Variants in FANCB observed in about 807,000 individuals in gnomAD.
FANCB encodes FA complementation group B.
FANCB carries 5 observed loss-of-function variants against 38.9 expected under a neutral mutation model. That is an observed-to-expected ratio of 0.13 (90% CI 0.07 to 0.27). The LOEUF is 0.27. Among genes scored for constraint, FANCB ranks in the 10% least tolerant of loss-of-function variants. FANCB has a pLI of 1.00. For synonymous variants in FANCB, 236 were observed against 215.4 expected (o/e 1.10, Z -0.84); for missense variants, 573 against 602.7 (o/e 0.95, Z 0.52).
Position 14,845,038 on chromosome X carries a change from G to A in FANCB, c.1745C>T (p.Thr582Ile), listed in dbSNP as rs754392611. The change falls in exon 8 of 10, where the codon ACA becomes ATA. Residue 582 changes from threonine (T) to isoleucine (I), a missense_variant. Physicochemically the swap from Thr to Ile is moderately conservative, Grantham distance 89. Transcript: ENST00000650831. ...GAATGTTAAAAGTGGTGAAAGAGAT[G>A]TTACAGCAGTAATTATCTGTACACA... Reference protein sequence around the residue: ...KECVQIITAVTSLSPLLTFSK... With the variant: ...KECVQIITAVISLSPLLTFSK... 1 of 1,206,194 alleles carries A rather than the reference G, an allele frequency of 8.3e-7. No homozygotes were observed. Among genetic ancestry groups the A allele is most frequent in the Admixed American group, 2.2e-5 (1 of 45,789 alleles).
At chrX:14,790,061 T>A in the FANCB span, among the ~76,000 whole-genome samples, 4 of 112,253 alleles carry the variant, frequency 3.6e-5, no homozygotes, top group Non-Finnish European at 7.5e-5. Flanking sequence ...CAACAAATGC[T>A]TACTGAATGC....
chrX:14,758,294 C>T, the FANCB span, among the ~76,000 whole-genome samples: 1 of 111,943 alleles, frequency 8.9e-6, no homozygotes, highest in Non-Finnish European at 1.9e-5. Flanking sequence ...GTGCTGACAG[C>T]AGAAGACAAA....
intron 7 of FANCB, among the ~76,000 whole-genome samples, chrX:14,846,565 G>T (rs2092377945): frequency 9.0e-6 from 1 of 111,657 alleles, no homozygotes; most frequent in Non-Finnish European, 1.9e-5. Flanking sequence ...ACTAAGTAAT[G>T]AGCATCAATA....
the FANCB span, among the ~76,000 whole-genome samples, chrX:14,796,313 A>C: frequency 1.9e-5 from 2 of 107,913 alleles, no homozygotes; most frequent in South Asian, 7.9e-4. Context: ...GTTGGTAGAA[A>C]GCTGTATTAG....
the FANCB span, among the ~76,000 whole-genome samples, chrX:14,758,981 G>T: frequency 9.0e-6 from 1 of 111,031 alleles, no homozygotes; most frequent in Non-Finnish European, 1.9e-5. Flanking sequence ...AAAATTACAA[G>T]ATATGAAGGG....
the FANCB span, among the ~76,000 whole-genome samples, chrX:14,741,987 G>T: frequency 2.7e-5 from 3 of 111,470 alleles, no homozygotes; most frequent in African/African-American, 9.8e-5. Context: ...TCTACTTATG[G>T]GTGAAATAGC....
At chrX:14,740,545 G>T in the FANCB span, among the ~76,000 whole-genome samples, 3 of 112,032 alleles carry the variant, frequency 2.7e-5, no homozygotes, top group South Asian at 1.1e-3. Flanking sequence ...TCTTTAAACA[G>T]CCAGGTAGTA....
chrX:14,827,291 G>A, the FANCB span, among the ~76,000 whole-genome samples: 1 of 111,605 alleles, frequency 9.0e-6, no homozygotes, highest in Non-Finnish European at 1.9e-5. Flanking sequence ...TTTATCAGGA[G>A]TGAGTTAAAT....
chrX:14,693,057 AG>A, the FANCB span, among the ~76,000 whole-genome samples: 1 of 69,911 alleles, frequency 1.4e-5, no homozygotes. Context: ...AAAAAAAAAA[AG>A]AAAGAGGGAA....
the FANCB span, among the ~76,000 whole-genome samples, chrX:14,785,431 C>T: frequency 8.9e-6 from 1 of 112,322 alleles, no homozygotes; most frequent in Non-Finnish European, 1.9e-5. Context: ...GCCATTTTTA[C>T]TTGACTTGGT....
chrX:14,736,246 T>C, the FANCB span, among the ~76,000 whole-genome samples: 3 of 110,338 alleles, frequency 2.7e-5, no homozygotes, highest in Non-Finnish European at 5.7e-5. Flanking sequence ...GAGTGAACTA[T>C]TCTGTCTTGC....
chrX:14,691,271 C>CTGTGTGTG, the FANCB span, among the ~76,000 whole-genome samples: 67 of 85,254 alleles, frequency 7.9e-4, no homozygotes, highest in East Asian at 1.8e-3. Context: ...TAAATATTGA[C>CTGTGTGTG]TGTGTGTGTG....
At chrX:14,691,308 TGTGTGTGTGTGTGTGTGC>T in the FANCB span, among the ~76,000 whole-genome samples, 57 of 103,249 alleles carry the variant, frequency 5.5e-4, no homozygotes, top group Admixed American at 1.8e-3. Flanking sequence ...TGTGTGTGTG[TGTGTGTGTGTGTGTGTGC>T]GCGCGTGCGT....
chrX:14,843,643 T>C lies in FANCB; in HGVS notation c.2504A>G (p.Tyr835Cys), dbSNP rs753509167. ...QTNLKVSGAL[Y>C]REITLKVAEV... ...AGCTACTTTCAAAGTTATTTCTCTGTAAAGGGCACCACTCACTTTTAGGTT... is the reference window on the plus strand; with the variant it reads ...AGCTACTTTCAAAGTTATTTCTCTGCAAAGGGCACCACTCACTTTTAGGTT... The change falls in exon 10 of 10, where the codon TAC becomes TGC. Residue 835 changes from tyrosine to cysteine, a missense_variant. Physicochemically the swap from Tyr to Cys is radical, Grantham distance 194 (BLOSUM62 -2). Transcript: ENST00000650831. 1 of 1,210,042 alleles carries C rather than the reference T, an allele frequency of 8.3e-7. No homozygotes were observed. Among genetic ancestry groups the C allele is most frequent in the East Asian group, 3.0e-5 (1 of 33,840 alleles).
the FANCB span, among the ~76,000 whole-genome samples, chrX:14,829,930 C>T: frequency 2.7e-5 from 3 of 112,386 alleles, no homozygotes; most frequent in Non-Finnish European, 5.6e-5. Context: ...AGAAGCCTAG[C>T]TTTTAGCTTA....
chrX:14,769,937 T>C, the FANCB span, among the ~76,000 whole-genome samples: 2 of 112,495 alleles, frequency 1.8e-5, no homozygotes, highest in South Asian at 3.6e-4. Context: ...GAGCAGGTTG[T>C]TCAATTCCCA....
chrX:14,759,838 G>A, the FANCB span, among the ~76,000 whole-genome samples: 1 of 110,259 alleles, frequency 9.1e-6, no homozygotes, highest in Non-Finnish European at 1.9e-5. Flanking sequence ...CAAATAGCAT[G>A]ATGAATGGAA....
the FANCB span, among the ~76,000 whole-genome samples, chrX:14,744,844 G>A: frequency 1.8e-5 from 2 of 111,499 alleles, no homozygotes; most frequent in Admixed American, 9.5e-5. Flanking sequence ...CAAAGTACCT[G>A]CACGGAACAC....
the FANCB span, among the ~76,000 whole-genome samples, chrX:14,740,294 T>C: frequency 1.8e-4 from 20 of 111,514 alleles, no homozygotes; most frequent in Non-Finnish European, 3.2e-4. Flanking sequence ...ATAATGTCAC[T>C]GTTTTAGTCT....
Sources: allele counts gnomAD v4.1 joint callset (sites outside exome capture counted in the v4.1 genomes callset), GRCh38; gene constraint gnomAD v4.1.1; transcripts MANE v1.5; gene names NCBI Gene and HGNC (gene_info 2026-07-23, HGNC 2026-07-21).